Variants in PHF20 observed in about 807,000 individuals in gnomAD.
PHF20 encodes the protein glioma-expressed antigen 2.
PHF20 carries 23 observed loss-of-function variants against 113.5 expected under a neutral mutation model. The observed-to-expected ratio is 0.20, with a 90% confidence interval of 0.15 to 0.29. PHF20 has a LOEUF of 0.29. PHF20 is among the 10% of genes least tolerant of loss of function. The probability of loss-of-function intolerance (pLI) is 1.00; values close to 1 mark genes in which losing one functional copy is unlikely to be tolerated. For synonymous variants in PHF20, 434 were observed against 457.3 expected (o/e 0.95, Z 0.65); for missense variants, 943 against 1,219.6 (o/e 0.77, Z 3.38).
chr20:35,819,627 C>T (rs1009981167), intron 2 of PHF20, among the ~76,000 whole-genome samples: 4 of 151,392 alleles, frequency 2.6e-5, no homozygotes, highest in Non-Finnish European at 5.9e-5. Context: ...CTGGTTCATA[C>T]CTCTTTACTC....
chr20:35,821,480 G>C (rs1213360799), intron 2 of PHF20, among the ~76,000 whole-genome samples: 1 of 145,630 alleles, frequency 6.9e-6, no homozygotes. Context: ...GCAAAACGCT[G>C]TCTCTACCAA....
At position 35,863,350 on chromosome 20, in the gene PHF20, T is replaced by G. The variant is rs2054253957; in HGVS notation, c.758T>G (p.Leu253Trp). Residue 253 changes from leucine to tryptophan, a missense_variant, in exon 6 of 18, where the codon TTG becomes TGG. Leu to Trp is a moderately conservative substitution (Grantham distance 61, BLOSUM62 -2). Around this residue, in one of 3 missense-constraint regions of PHF20, gnomAD observed 592 missense variants for 787.2 expected, o/e 0.75. Transcript: ENST00000374012. Reference sequence around the variant, plus strand: ...ATTGTGAAGAGTCCACAAGAAAACTTGAGGGAACCCAAAAGAAAACGAGGC... The same window carrying G: ...ATTGTGAAGAGTCCACAAGAAAACTGGAGGGAACCCAAAAGAAAACGAGGC... ...NDIVKSPQEN[L>W]REPKRKRGRP... is the part of the protein sequence containing the mutation. 11 of 1,609,322 alleles carry G rather than the reference T, an allele frequency of 6.8e-6. No individual in the cohort carries two copies. Among genetic ancestry groups the G allele is most frequent in the Non-Finnish European group, 7.6e-6 (9 of 1,178,912 alleles).
chr20:35,904,277 ATTTTTTTTT>A (rs34412788), intron 10 of PHF20, among the ~76,000 whole-genome samples: 21 of 98,918 alleles, frequency 2.1e-4, no homozygotes, highest in Admixed American at 9.4e-4. Context: ...GAATGCTCTG[ATTTTTTTTT>A]TTTTTTTTTT....
chr20:35,775,754 CAAAAAA>C (rs11167276), intron 1 of PHF20, among the ~76,000 whole-genome samples: 1 of 85,508 alleles, frequency 1.2e-5, no homozygotes, highest in Non-Finnish European at 2.1e-5. Flanking sequence ...ACTCTGTCTC[CAAAAAA>C]AAAAAAAAAA....
At chr20:35,814,830 G>A (rs1371373721) in intron 2 of PHF20, among the ~76,000 whole-genome samples, 11 of 134,790 alleles carry the variant, frequency 8.2e-5, no homozygotes, top group Non-Finnish European at 1.6e-5. Flanking sequence ...CCGAGATCCC[G>A]CCACTGCACT....
intron 9 of PHF20, among the ~76,000 whole-genome samples, chr20:35,897,379 G>A (rs1311611004): frequency 2.0e-5 from 3 of 151,942 alleles, no homozygotes; most frequent in Non-Finnish European, 4.4e-5. Flanking sequence ...TGTATACGAT[G>A]TATAATGATT....
intron 2 of PHF20, among the ~76,000 whole-genome samples, chr20:35,810,723 A>G (rs557501172): frequency 6.6e-6 from 1 of 152,326 alleles, no homozygotes; most frequent in African/African-American, 2.4e-5. Context: ...TCCTAAATCA[A>G]AAAACAAAAC....
At chr20:35,834,737 T>C (rs1208098691) in intron 2 of PHF20, among the ~76,000 whole-genome samples, 2 of 152,140 alleles carry the variant, frequency 1.3e-5, no homozygotes, top group Non-Finnish European at 2.9e-5. Flanking sequence ...GTTTGTCTCA[T>C]AATACAAACT....
At position 35,914,550 on chromosome 20, in the gene PHF20, A is replaced by T. The variant is rs528000244; in HGVS notation, c.1825+353A>T. Among the ~76,000 whole-genome samples, 3 of 152,346 alleles carry T rather than the reference A, an allele frequency of 2.0e-5. No homozygotes were observed. The South Asian group carries it at 6.2e-4, about 32-fold the overall frequency. Reference sequence around the variant, plus strand: ...GAAAAGCTTATGCACAGCAAACTAAACGATTAATAGAATGAACCGAAAACC... The same window carrying T: ...GAAAAGCTTATGCACAGCAAACTAATCGATTAATAGAATGAACCGAAAACC... On this transcript the variant is annotated intron_variant, in intron 12 of 17. Transcript: ENST00000374012.
intron 2 of PHF20, among the ~76,000 whole-genome samples, chr20:35,839,661 G>A (rs11697087): frequency 0.091 from 13,895 of 152,188 alleles, 669 homozygotes; most frequent in South Asian, 0.15. Context: ...TATAGCAGCT[G>A]TCATTTGGAT....
Position 35,913,245 on chromosome 20 carries a change from C to A in PHF20, c.1562-4C>A. On this transcript the variant is annotated splice_polypyrimidine_tract_variant and splice_region_variant and intron_variant, in intron 10 of 17. Transcript: ENST00000374012. The stretch of plus-strand genomic sequence containing the variant: ...AAAATGCCAACATTTGTGTTTAATT[C>A]TAGCTACAAAAGACAAGGAAAAGAA... The A allele has an allele frequency of 6.3e-7, 1 of 1,587,952 alleles. No homozygotes were observed. Among genetic ancestry groups the A allele is most frequent in the Non-Finnish European group, 8.6e-7 (1 of 1,159,380 alleles).
At chr20:35,936,993 C>A (rs980983081) in intron 15 of PHF20, among the ~76,000 whole-genome samples, 1 of 152,110 alleles carries the variant, frequency 6.6e-6, no homozygotes, top group Admixed American at 6.5e-5. Flanking sequence ...ACAGCTTGGT[C>A]TCACACATTT....
At chr20:35,877,053 G>A (rs1423662658) in intron 9 of PHF20, among the ~76,000 whole-genome samples, 3 of 144,336 alleles carry the variant, frequency 2.1e-5, no homozygotes, top group Non-Finnish European at 1.5e-5. Context: ...CTTGCAGTGA[G>A]CCTAGATCAT....
At chr20:35,834,339 A>G (rs1195720942) in intron 2 of PHF20, among the ~76,000 whole-genome samples, 3 of 131,810 alleles carry the variant, frequency 2.3e-5, no homozygotes, top group Non-Finnish European at 4.6e-5. Context: ...CACAACCTCC[A>G]CCTCCCAGAT....
intron 13 of PHF20, among the ~76,000 whole-genome samples, chr20:35,925,673 G>T (rs1390372865): frequency 6.6e-6 from 1 of 151,238 alleles, no homozygotes; most frequent in Non-Finnish European, 1.5e-5. Flanking sequence ...AAGTCTCTGT[G>T]TGTGTTCTTC....
chr20:35,778,572 T>A (rs1365260716), intron 1 of PHF20, among the ~76,000 whole-genome samples: 1 of 152,040 alleles, frequency 6.6e-6, no homozygotes, highest in Admixed American at 6.6e-5. Context: ...TAACACACAG[T>A]GAAACTCCGT....
chr20:35,795,550 G>A (rs1600740993), intron 1 of PHF20, among the ~76,000 whole-genome samples: 2 of 151,890 alleles, frequency 1.3e-5, no homozygotes, highest in Admixed American at 1.3e-4. Context: ...TACCTACTTT[G>A]TGTTAGATAT....
intron 17 of PHF20, among the ~76,000 whole-genome samples, chr20:35,943,554 C>T (rs116830572): frequency 0.011 from 1,626 of 148,142 alleles, 22 homozygotes; most frequent in African/African-American, 0.038. Flanking sequence ...TATATATATG[C>T]CATTGTTTTA....
At chr20:35,942,753 T>G (rs1311015786) in intron 17 of PHF20, among the ~76,000 whole-genome samples, 1 of 152,198 alleles carries the variant, frequency 6.6e-6, no homozygotes, top group Non-Finnish European at 1.5e-5. Flanking sequence ...TTGCATAGTA[T>G]TTAAGATTAA....
Sources: allele counts gnomAD v4.1 joint callset (sites outside exome capture counted in the v4.1 genomes callset), GRCh38; gene constraint gnomAD v4.1.1; regional missense constraint gnomAD v4.1.1; transcripts MANE v1.5; gene names NCBI Gene and HGNC (gene_info 2026-07-23, HGNC 2026-07-21).